Variants in DIP2B observed in about 807,000 individuals in gnomAD.
The protein encoded by DIP2B is disco-interacting protein 2 homolog B.
In DIP2B, 76 loss-of-function variants were observed where a neutral mutation model predicts 198.0. The observed-to-expected ratio is 0.38, with a 90% CI of 0.32 to 0.46. The LOEUF (loss-of-function observed/expected upper bound fraction) is 0.46. DIP2B is among the 20% of genes least tolerant of loss of function. The pLI is 0.99. For missense variants in DIP2B, 1,559 were observed against 1,978.4 expected, an observed-to-expected ratio of 0.79 and a Z score of 4.02; for synonymous variants, 701 against 739.1, an observed-to-expected ratio of 0.95 and a Z score of 0.84.
intron 1 of DIP2B, among the ~76,000 whole-genome samples, chr12:50,520,910 G>A (rs563004749): frequency 2.0e-5 from 3 of 151,934 alleles, no homozygotes; most frequent in African/African-American, 7.2e-5. Context: ...CTCTTTCTTG[G>A]CAAGCTCATT....
chr12:50,690,420 A>G (rs1022271982), intron 12 of DIP2B, among the ~76,000 whole-genome samples: 4 of 152,140 alleles, frequency 2.6e-5, no homozygotes, highest in South Asian at 2.1e-4. Flanking sequence ...GCACAGTGGC[A>G]TATGCCTGTA....
chr12:50,509,998 C>T (rs1958000749), intron 1 of DIP2B, among the ~76,000 whole-genome samples: 1 of 152,160 alleles, frequency 6.6e-6, no homozygotes, highest in Non-Finnish European at 1.5e-5. Context: ...AGCTCATCTT[C>T]AGAATTACTG....
At chr12:50,682,384 G>A (rs1939055340) in intron 9 of DIP2B, among the ~76,000 whole-genome samples, 1 of 152,154 alleles carries the variant, frequency 6.6e-6, no homozygotes, top group South Asian at 2.1e-4. Context: ...CCAGCACTTT[G>A]GGAGGCCAAG....
intron 1 of DIP2B, among the ~76,000 whole-genome samples, chr12:50,548,698 A>G (rs1042634045): frequency 4.6e-5 from 7 of 151,746 alleles, no homozygotes; most frequent in Non-Finnish European, 8.8e-5. Flanking sequence ...GCTAATTTTT[A>G]TATTTTTAGT....
chr12:50,544,775 G>T (rs752266664), intron 1 of DIP2B, among the ~76,000 whole-genome samples: 5 of 151,834 alleles, frequency 3.3e-5, no homozygotes, highest in Non-Finnish European at 5.9e-5. Flanking sequence ...GTGCCACCAC[G>T]CCCGGCTAAT....
At chr12:50,741,299 C>A in intron 36 of DIP2B, 117 bp from the exon 37 acceptor site, 1 of 1,292,540 alleles carries the variant, frequency 7.7e-7, no homozygotes, top group Non-Finnish European at 1.0e-6. Context: ...CAGAGTTACA[C>A]AGTTGGTAGG....
chr12:50,549,878 TTAGA>T (rs1381146410), intron 1 of DIP2B, among the ~76,000 whole-genome samples: 4 of 152,150 alleles, frequency 2.6e-5, no homozygotes, highest in African/African-American at 4.8e-5. Context: ...TTTTTCTTTT[TTAGA>T]TAGAGATTTA....
intron 35 of DIP2B, among the ~76,000 whole-genome samples, chr12:50,737,608 G>T (rs545792814): frequency 1.3e-5 from 2 of 151,740 alleles, no homozygotes; most frequent in Admixed American, 1.3e-4. Flanking sequence ...CCAAATCTTT[G>T]TTTTTGTTTG....
Position 50,643,486 on chromosome 12 carries a change from G to A in DIP2B, c.301+2634G>A, listed in dbSNP as rs913026094. On this transcript the variant is annotated intron_variant, in intron 3 of 37. Transcript: ENST00000301180. ...ATAGTAGCAAAAAGTAGGCCAGAAC[G>A]AGGTGAAGTAGGGGAGAAAAAGTGA... Among the ~76,000 whole-genome samples the A allele has an allele frequency of 4.6e-5, 7 of 151,372 alleles. No individual in the cohort carries two copies. In the South Asian group the frequency reaches 1.0e-3, roughly 23 times the overall value.
chr12:50,660,251 C>G lies in DIP2B; in HGVS notation c.359C>G (p.Ala120Gly). The G allele has an allele frequency of 6.2e-7, 1 of 1,613,516 alleles. No homozygotes were observed. The highest frequency in any genetic ancestry group is 8.5e-7 in the Non-Finnish European group (1 of 1,179,740). ...GCAAAGCATAAAGAACAGAAGATGG[C>G]TTTGCCCATGCCAACCAAAAGGCGA... ...ALAKHKEQKM[A>G]LPMPTKRRST... The change falls in exon 4 of 38, where the codon GCT (alanine) becomes GGT (glycine). Residue 120 changes from alanine to glycine, a missense_variant. Ala to Gly is a moderately conservative substitution (Grantham distance 60, BLOSUM62 0). Transcript: ENST00000301180.
At position 50,731,349 on chromosome 12, in the gene DIP2B, T is replaced by C. The variant is rs765086376; in HGVS notation, c.3642-20T>C. The C allele has an allele frequency of 1.2e-6, 2 of 1,609,262 alleles. No homozygotes were observed. Among genetic ancestry groups the C allele is most frequent in the Non-Finnish European group, 1.7e-6 (2 of 1,177,482 alleles). ...TCCAGGATGAATTGATGATTCCAGC[T>C]CTTGTCTCTTTCACTGCAGTGTCTA... On this transcript the variant is annotated intron_variant, in intron 30 of 37. Coordinates refer to ENST00000301180, the MANE Select transcript of DIP2B (RefSeq NM_173602.3).
intron 1 of DIP2B, among the ~76,000 whole-genome samples, chr12:50,621,065 A>C (rs1319100570): frequency 6.6e-6 from 1 of 152,206 alleles, no homozygotes; most frequent in Non-Finnish European, 1.5e-5. Context: ...GTTCCTTGGG[A>C]GAATCTTAAA....
chr12:50,699,340 A>G, intron 19 of DIP2B, 138 bp downstream of exon 19: 1 of 1,300,634 alleles, frequency 7.7e-7, no homozygotes, highest in Non-Finnish European at 1.1e-6. Context: ...CCTAAGTTCA[A>G]ATTCTGAACT....
At chr12:50,567,254 C>T (rs990703617) in intron 1 of DIP2B, among the ~76,000 whole-genome samples, 2 of 152,146 alleles carry the variant, frequency 1.3e-5, no homozygotes, top group Non-Finnish European at 2.9e-5. Context: ...TAACATCTTG[C>T]ATAACTGTAG....
At chr12:50,581,161 A>G (rs1053023273) in intron 1 of DIP2B, among the ~76,000 whole-genome samples, 4 of 149,498 alleles carry the variant, frequency 2.7e-5, no homozygotes, top group Non-Finnish European at 4.4e-5. Context: ...CATGTGAATG[A>G]GCACAACTAC....
intron 8 of DIP2B, chr12:50,679,868 T>A (rs533517283): frequency 6.6e-6 from 1 of 152,380 alleles, no homozygotes; most frequent in South Asian, 2.1e-4. Context: ...ATTTGAGTCA[T>A]GTTTTTGCTT....
At chr12:50,525,045 A>G (rs999105458) in intron 1 of DIP2B, among the ~76,000 whole-genome samples, 25 of 151,864 alleles carry the variant, frequency 1.6e-4, no homozygotes, top group Admixed American at 5.2e-4. Flanking sequence ...AAAAATTTCA[A>G]TGGAGAAAAA....
chr12:50,517,452 A>G (rs949247431), intron 1 of DIP2B, among the ~76,000 whole-genome samples: 1 of 151,678 alleles, frequency 6.6e-6, no homozygotes, highest in African/African-American at 2.4e-5. Flanking sequence ...TAGTTCAGGC[A>G]CTTATTTCTT....
intron 1 of DIP2B, among the ~76,000 whole-genome samples, chr12:50,601,707 C>T (rs1008605946): frequency 1.3e-5 from 2 of 151,882 alleles, no homozygotes; most frequent in African/African-American, 4.8e-5. Flanking sequence ...TTAGCCAGTT[C>T]GTGAACACTC....
Sources: gnomAD v4.1 joint callset for allele counts (sites outside exome capture counted in the v4.1 genomes callset) on GRCh38, gnomAD v4.1.1 for gene constraint, MANE v1.5 for transcripts, NCBI Gene and HGNC (gene_info 2026-07-23, HGNC 2026-07-21) for gene names.